TMED3: variants seen among roughly 807,000 people sequenced by gnomAD.
The protein encoded by TMED3 is transmembrane p24 trafficking protein 3.
A neutral mutation model predicts 15.0 loss-of-function variants in TMED3; 9 were observed. The observed-to-expected ratio is 0.60, with a 90% CI of 0.36 to 1.04. The LOEUF is 1.04. TMED3 is among the 50% of genes least tolerant of loss of function. The pLI, the probability that TMED3 is intolerant of heterozygous loss-of-function variation, is 0.01. For synonymous variants in TMED3, 117 were observed against 121.4 expected, an observed-to-expected ratio of 0.96 and a Z score of 0.24; for missense variants, 267 against 278.9, an observed-to-expected ratio of 0.96 and a Z score of 0.30.
chr15:79,371,584 C>T (rs2040381119), intron 2 of TMED3, among the ~76,000 whole-genome samples: 2 of 152,050 alleles, frequency 1.3e-5, no homozygotes, highest in South Asian at 4.2e-4. Context: ...CTTTGGTGGG[C>T]AGGGGGTTAG....
At chr15:79,351,460 C>T (rs1470398049) in intron 2 of TMED3, among the ~76,000 whole-genome samples, 1 of 152,196 alleles carries the variant, frequency 6.6e-6, no homozygotes, top group Admixed American at 6.5e-5. Context: ...ACCAGCACAT[C>T]CAAGTCAGTT....
At chr15:79,311,709 A>G (rs2058715423) in intron 1 of TMED3, among the ~76,000 whole-genome samples, 1 of 152,134 alleles carries the variant, frequency 6.6e-6, no homozygotes, top group Non-Finnish European at 1.5e-5. Flanking sequence ...CCAAAGAGAT[A>G]TCCGCAGGCC....
At chr15:79,379,397 C>A (rs1046937669) in intron 2 of TMED3, among the ~76,000 whole-genome samples, 6 of 152,080 alleles carry the variant, frequency 3.9e-5, no homozygotes, top group African/African-American at 1.4e-4. Context: ...GGTTTACTTT[C>A]TTTATTTAAT....
At position 79,342,635 on chromosome 15, in the gene TMED3, A is replaced by G. The variant is rs191973177; in HGVS notation, c.417+28630A>G. Among the ~76,000 whole-genome samples the G allele has an allele frequency of 1.2e-3, 185 of 152,340 alleles. 1 individual carries two copies. The highest frequency in any genetic ancestry group is 6.8e-3 in the Middle Eastern group (2 of 294). ...TGGTAAAGCATGCACACAAACACAC[A>G]CATATACACTGTATAAACAAAACCA... On this transcript the variant is annotated intron_variant, in intron 2 of 2. Transcript: ENST00000424155.
downstream of TMED3, among the ~76,000 whole-genome samples, chr15:79,327,726 A>T (rs1273884855): frequency 1.3e-5 from 2 of 152,214 alleles, no homozygotes; most frequent in African/African-American, 2.4e-5. Flanking sequence ...TCTATCTATG[A>T]GAAAGTATTG....
chr15:79,313,582 AATTT>A (rs1171847289), intron 1 of TMED3, among the ~76,000 whole-genome samples, 171 bp from the exon 2 acceptor site: 1 of 152,216 alleles, frequency 6.6e-6, no homozygotes, highest in Non-Finnish European at 1.5e-5. Flanking sequence ...GACCACAGCC[AATTT>A]ATTTAACCTT....
At chr15:79,411,979 T>C (rs1893987425) in exon 3 of TMED3, 1 of 155,058 alleles carries the variant, frequency 6.4e-6, no homozygotes, top group Non-Finnish European at 1.4e-5. Flanking sequence ...TTCTGGTCTC[T>C]CCTGGAGCCC....
At chr15:79,311,822 A>G (rs1193246432) in intron 1 of TMED3, among the ~76,000 whole-genome samples, 5 of 152,090 alleles carry the variant, frequency 3.3e-5, no homozygotes, top group African/African-American at 1.2e-4. Context: ...AAATGGCAGC[A>G]AGAGGAAGTG....
chr15:79,334,910 A>C (rs998097396), intron 2 of TMED3, among the ~76,000 whole-genome samples: 17 of 152,246 alleles, frequency 1.1e-4, no homozygotes, highest in Non-Finnish European at 2.9e-5. Context: ...TATGTGGAAG[A>C]GGAAACATCA....
At chr15:79,321,263 G>T (rs1046820387) in intron 2 of TMED3, among the ~76,000 whole-genome samples, 1 of 152,174 alleles carries the variant, frequency 6.6e-6, no homozygotes, top group Non-Finnish European at 1.5e-5. Flanking sequence ...GAATTAGGGC[G>T]GGGGACCTTG....
At chr15:79,368,017 C>T (rs1302049264) in intron 2 of TMED3, among the ~76,000 whole-genome samples, 1 of 152,148 alleles carries the variant, frequency 6.6e-6, no homozygotes, top group Non-Finnish European at 1.5e-5. Flanking sequence ...TCCCCATTGC[C>T]TGGGGTCTCA....
intron 2 of TMED3, among the ~76,000 whole-genome samples, chr15:79,348,614 G>C (rs1368856293): frequency 1.3e-5 from 2 of 152,194 alleles, no homozygotes; most frequent in African/African-American, 2.4e-5. Flanking sequence ...AAAACAAGAG[G>C]TGCATACCAT....
Position 79,353,142 on chromosome 15 carries a change from A to ATATATACAT in TMED3, c.417+39137_417+39138insTATATACAT, listed in dbSNP as rs2058900231. Among the ~76,000 whole-genome samples, 4 of 71,926 alleles carry ATATATACAT rather than the reference A, an allele frequency of 5.6e-5. No homozygotes were observed. The Admixed American group carries it at 8.3e-4, about 15-fold the overall frequency. 47.2% of individuals were successfully genotyped at this position (71,926 alleles called of 152,430 possible). A position where few individuals can be genotyped will look rare whatever the true frequency, so the allele number is the denominator to read the frequency against. On this transcript the variant is annotated intron_variant, in intron 2 of 2. Coordinates refer to the TMED3 transcript ENST00000424155. ...ATATAATATATATAAAATATATAAA[A>ATATATACAT]AATATATAAAATATATATAAATATA...
chr15:79,316,803 C>T (rs965142091), intron 2 of TMED3, among the ~76,000 whole-genome samples: 1 of 152,074 alleles, frequency 6.6e-6, no homozygotes, highest in Non-Finnish European at 1.5e-5. Context: ...CCTGGGGACT[C>T]GTGGCCTGGA....
chr15:79,354,650 G>T (rs2058911461), intron 2 of TMED3, among the ~76,000 whole-genome samples: 1 of 150,706 alleles, frequency 6.6e-6, no homozygotes, highest in Non-Finnish European at 1.5e-5. Context: ...AAAAATTCAA[G>T]GAAAGGTTCA....
At chr15:79,401,976 G>A (rs551531895) in intron 2 of TMED3, among the ~76,000 whole-genome samples, 9 of 152,298 alleles carry the variant, frequency 5.9e-5, no homozygotes, top group Non-Finnish European at 1.0e-4. Flanking sequence ...TGATGGAGGC[G>A]AGGGCAGGGA....
chr15:79,392,030 T>C (rs1344902846), intron 2 of TMED3, among the ~76,000 whole-genome samples: 1 of 152,198 alleles, frequency 6.6e-6, no homozygotes, highest in Non-Finnish European at 1.5e-5. Context: ...TGAGTTCTTA[T>C]CCATTCCGCA....
intron 2 of TMED3, among the ~76,000 whole-genome samples, chr15:79,396,106 G>A (rs1893760698): frequency 6.6e-6 from 1 of 151,996 alleles, no homozygotes; most frequent in East Asian, 1.9e-4. Flanking sequence ...ATTTTTCTTT[G>A]CCTCTGAATT....
chr15:79,313,876 C>A lies in TMED3; in HGVS notation c.288C>A (p.Gly96=). 1.9e-6 allele frequency: 3 copies of A among 1,614,200 alleles called. No homozygotes were observed. Among genetic ancestry groups the A allele is most frequent in the Non-Finnish European group, 2.5e-6 (3 of 1,180,024 alleles). ...DSFTYRAEVK[G]VYQFCFSNEF... Reference sequence around the variant, plus strand: ...TCACGTACCGGGCTGAAGTCAAGGGCGTTTATCAGTTTTGCTTCAGTAATG... The same window carrying A: ...TCACGTACCGGGCTGAAGTCAAGGGAGTTTATCAGTTTTGCTTCAGTAATG... Residue 96 remains glycine (G), a synonymous_variant, in exon 2 of 3, where the codon GGC becomes GGA. Transcript: ENST00000299705.
Sources: gnomAD v4.1 joint callset for allele counts (sites outside exome capture counted in the v4.1 genomes callset) on GRCh38, gnomAD v4.1.1 for gene constraint, MANE v1.5 for transcripts, NCBI Gene and HGNC (gene_info 2026-07-23, HGNC 2026-07-21) for gene names.